STAB2: variants seen among roughly 807,000 people sequenced by gnomAD.
STAB2 encodes the protein stabilin 2.
A neutral mutation model predicts 338.1 loss-of-function variants in STAB2; 288 were observed. That is an observed-to-expected ratio of 0.85 (90% CI 0.77 to 0.94). The LOEUF is 0.94. STAB2 is among the 40% of genes least tolerant of loss of function. The pLI, the probability that STAB2 is intolerant of heterozygous loss-of-function variation, is 0.00. For missense variants in STAB2, 3,141 were observed against 3,210.1 expected (o/e 0.98, Z 0.52); for synonymous variants, 1,202 against 1,193.3 (o/e 1.01, Z -0.15).
At chr12:103,696,856 G>T (rs1878450786) in intron 33 of STAB2, among the ~76,000 whole-genome samples, 1 of 152,106 alleles carries the variant, frequency 6.6e-6, no homozygotes, top group East Asian at 1.9e-4. Flanking sequence ...AATTCCAGGG[G>T]TATGCATAAA....
At chr12:103,694,817 T>C (rs1191355435) in intron 31 of STAB2, among the ~76,000 whole-genome samples, 2 of 152,138 alleles carry the variant, frequency 1.3e-5, no homozygotes, top group Non-Finnish European at 2.9e-5. Context: ...ATAGTGATCT[T>C]GGCCAGAAGG....
intron 5 of STAB2, among the ~76,000 whole-genome samples, chr12:103,624,021 C>T (rs992898122): frequency 2.0e-5 from 3 of 152,336 alleles, no homozygotes; most frequent in East Asian, 3.9e-4. Flanking sequence ...TTTGCCAACA[C>T]CACTTGGGCC....
At chr12:103,702,417 G>A (rs1447670397) in intron 34 of STAB2, among the ~76,000 whole-genome samples, 1 of 151,826 alleles carries the variant, frequency 6.6e-6, no homozygotes. Context: ...TCCTGCCTCA[G>A]CCTCCCGAGT....
intron 57 of STAB2, among the ~76,000 whole-genome samples, chr12:103,745,680 A>G (rs1158099579): frequency 6.6e-6 from 1 of 152,126 alleles, no homozygotes; most frequent in Non-Finnish European, 1.5e-5. Flanking sequence ...GCTACTTACT[A>G]GATGAATGGC....
intron 59 of STAB2, among the ~76,000 whole-genome samples, 184 bp downstream of exon 59, chr12:103,749,340 C>T (rs745653029): frequency 1.3e-5 from 2 of 152,160 alleles, no homozygotes; most frequent in Non-Finnish European, 2.9e-5. Context: ...AGAAAAAGGA[C>T]GTCCATGGAA....
chr12:103,684,385 G>A (rs1193125658), intron 26 of STAB2, among the ~76,000 whole-genome samples: 1 of 152,162 alleles, frequency 6.6e-6, no homozygotes, highest in East Asian at 1.9e-4. Flanking sequence ...GGGGCGTGGG[G>A]GACTAATTCT....
intron 19 of STAB2, among the ~76,000 whole-genome samples, chr12:103,666,656 C>G (rs1237094725): frequency 6.6e-6 from 1 of 152,218 alleles, no homozygotes; most frequent in Non-Finnish European, 1.5e-5. Context: ...CAAGAAGGCA[C>G]TCAGTTCCCA....
chr12:103,691,221 G>A lies in STAB2; in HGVS notation c.3297+683G>A, dbSNP rs1396358873. On this transcript the variant is annotated intron_variant, in intron 30 of 68. Transcript: ENST00000388887. Reference sequence around the variant, plus strand: ...TCTTCCTGTGAATTGCACAAGATGAGAATGAAGATTCCACTGCAAAATGAG... The same window carrying A: ...TCTTCCTGTGAATTGCACAAGATGAAAATGAAGATTCCACTGCAAAATGAG... Among the ~76,000 whole-genome samples, 3 of 152,232 alleles carry A rather than the reference G, an allele frequency of 2.0e-5. 1 individual carries two copies. Among genetic ancestry groups the A allele is most frequent in the Non-Finnish European group, 4.4e-5 (3 of 68,048 alleles).
At chr12:103,661,305 G>A (rs576658026) in intron 17 of STAB2, among the ~76,000 whole-genome samples, 1 of 152,042 alleles carries the variant, frequency 6.6e-6, no homozygotes, top group South Asian at 2.1e-4. Context: ...TCCAAAGAAG[G>A]CTGCATTATT....
chr12:103,704,183 A>C (rs1237463549), intron 35 of STAB2, among the ~76,000 whole-genome samples: 2 of 152,234 alleles, frequency 1.3e-5, no homozygotes, highest in Non-Finnish European at 2.9e-5. Flanking sequence ...GGGCATCTCC[A>C]TGCTGAACCC....
chr12:103,637,259 T>C (rs747867642), intron 7 of STAB2, 23 bp downstream of exon 7: 15 of 1,605,650 alleles, frequency 9.3e-6, no homozygotes, highest in Non-Finnish European at 1.3e-5. Flanking sequence ...TAGATTCTGC[T>C]AGTTTATTCA....
chr12:103,613,770 T>TG (rs1957166780), intron 3 of STAB2, among the ~76,000 whole-genome samples: 1 of 152,176 alleles, frequency 6.6e-6, no homozygotes, highest in African/African-American at 2.4e-5. Context: ...ATCCGTCTTC[T>TG]GCGTCGCTCA....
intron 44 of STAB2, 68 bp downstream of exon 44, chr12:103,717,909 C>A (rs703653): frequency 0.99 from 1,530,271 of 1,547,722 alleles, 756,542 homozygotes; most frequent in East Asian, 1. Context: ...CCCCACTTCT[C>A]GGGGATGCAG....
chr12:103,746,949 C>CTTTTTTTTT (rs370851005), intron 58 of STAB2, among the ~76,000 whole-genome samples: 1 of 96,078 alleles, frequency 1.0e-5, no homozygotes, highest in Non-Finnish European at 2.1e-5. Context: ...GTTTTTCTTT[C>CTTTTTTTTT]TTTTTTTTTT....
chr12:103,675,909 T>C lies in STAB2; in HGVS notation c.2553-19T>C, dbSNP rs759685700. The C allele has an allele frequency of 6.3e-7, 1 of 1,597,546 alleles. No individual in the cohort carries two copies. On this transcript the variant is annotated intron_variant, in intron 23 of 68. Coordinates refer to ENST00000388887, the MANE Select transcript of STAB2 (RefSeq NM_017564.10). ...TTGGTGCTTATTCTGGGGCTGATAT[T>C]GCACACTCTCCTTTGCAGTTGTATT...
chr12:103,594,611 T>G, intron 3 of STAB2, 101 bp downstream of exon 3: 1 of 935,724 alleles, frequency 1.1e-6, no homozygotes, highest in Non-Finnish European at 1.7e-6. Flanking sequence ...AATGTTAACA[T>G]CCGTTTGTAG....
intron 66 of STAB2, 89 bp from the exon 67 acceptor site, chr12:103,762,185 G>T: frequency 6.4e-7 from 1 of 1,557,196 alleles, no homozygotes; most frequent in South Asian, 1.2e-5. Flanking sequence ...TATCCCCACT[G>T]GCTCCAGAAT....
rs192792532 is a variant in STAB2, at chr12:103,712,473, G to A, written c.4411+30G>A. 5.8e-3 allele frequency: 8,985 copies of A among 1,561,640 alleles called. 42 individuals are homozygous for A. Among genetic ancestry groups the A allele is most frequent in the Non-Finnish European group, 7.1e-3 (8,053 of 1,133,006 alleles). ...GCGAAGGAAGGAATTTGCTGGGGGG[G>A]CTGGCAAGGCTTGCACAGGCTATTG... On this transcript the variant is annotated intron_variant, in intron 41 of 68. Coordinates refer to ENST00000388887, the MANE Select transcript of STAB2 (RefSeq NM_017564.10).
At position 103,753,207 on chromosome 12, in the gene STAB2, C is replaced by T; in HGVS notation, c.6581-13C>T. ...TGGGCTGACCTGGGCGATTCCTCCT[C>T]TTCCTCATCCAGATACCACTGTTGG... On this transcript the variant is annotated splice_polypyrimidine_tract_variant and intron_variant, in intron 60 of 68. Transcript: ENST00000388887. The T allele has an allele frequency of 6.2e-7, 1 of 1,613,866 alleles. No homozygotes were observed. Among genetic ancestry groups the T allele is most frequent in the East Asian group, 2.2e-5 (1 of 44,878 alleles).
Sources: allele counts gnomAD v4.1 joint callset (sites outside exome capture counted in the v4.1 genomes callset), GRCh38; gene constraint gnomAD v4.1.1; transcripts MANE v1.5; gene names NCBI Gene and HGNC (gene_info 2026-07-23, HGNC 2026-07-21).